KDM4C: variants seen among roughly 807,000 people sequenced by gnomAD.
KDM4C encodes lysine demethylase 4C, also known as lysine-specific demethylase 4C.
Under a neutral mutation model 129.3 loss-of-function variants are expected in KDM4C, and 81 were observed. That is an observed-to-expected ratio of 0.63 (90% confidence interval 0.52 to 0.75). KDM4C has a LOEUF of 0.75. Ranked by LOEUF, KDM4C falls within the 30% of genes least tolerant of loss-of-function variation. The pLI, the probability that KDM4C is intolerant of heterozygous loss-of-function variation, is 0.00. For synonymous variants in KDM4C, 573 were observed against 456.1 expected, an observed-to-expected ratio of 1.26 and a Z score of -3.26; for missense variants, 1,457 against 1,304.0, an observed-to-expected ratio of 1.12 and a Z score of -1.81.
intron 18 of KDM4C, among the ~76,000 whole-genome samples, chr9:7,109,917 C>G (rs1838129260): frequency 6.6e-6 from 1 of 152,168 alleles, no homozygotes; most frequent in African/African-American, 2.4e-5. Context: ...GTTTGTCTCA[C>G]AAGATCTGAT....
intron 8 of KDM4C, among the ~76,000 whole-genome samples, chr9:6,936,305 A>G (rs7876040): frequency 0.31 from 46,626 of 152,142 alleles, 7,417 homozygotes; most frequent in Middle Eastern, 0.43. Flanking sequence ...CTGCATGTCT[A>G]TTTTTAAAAA....
chr9:6,744,391 GGC>G (rs1817808430), intron 1 of KDM4C, among the ~76,000 whole-genome samples: 1 of 152,092 alleles, frequency 6.6e-6, no homozygotes, highest in South Asian at 2.1e-4. Flanking sequence ...TGGGCATGGT[GGC>G]GTGCGCCTGT....
chr9:7,161,024 A>T (rs1015284602), intron 19 of KDM4C, among the ~76,000 whole-genome samples: 3 of 152,256 alleles, frequency 2.0e-5, no homozygotes, highest in Non-Finnish European at 4.4e-5. Flanking sequence ...TACCTACTCA[A>T]GCCTCAGCAA....
At chr9:6,794,530 ATT>A (rs1210726726) in intron 2 of KDM4C, among the ~76,000 whole-genome samples, 2 of 152,134 alleles carry the variant, frequency 1.3e-5, no homozygotes, top group Non-Finnish European at 2.9e-5. Flanking sequence ...TTGGGACATT[ATT>A]TTGAAAAGAT....
intron 19 of KDM4C, among the ~76,000 whole-genome samples, chr9:7,142,399 C>T (rs1166403187): frequency 6.6e-6 from 1 of 152,170 alleles, no homozygotes; most frequent in Admixed American, 6.5e-5. Flanking sequence ...CAGGTGTGAG[C>T]CACCACAACC....
At chr9:7,159,313 G>T (rs895279840) in intron 19 of KDM4C, among the ~76,000 whole-genome samples, 1 of 151,964 alleles carries the variant, frequency 6.6e-6, no homozygotes, top group Non-Finnish European at 1.5e-5. Context: ...TTTCAATTGG[G>T]GCATTTAGCC....
chr9:6,842,788 C>T (rs2129899161), intron 4 of KDM4C, among the ~76,000 whole-genome samples: 1 of 152,120 alleles, frequency 6.6e-6, no homozygotes, highest in East Asian at 1.9e-4. Flanking sequence ...ACACATCACC[C>T]CCAATACCCA....
intron 8 of KDM4C, among the ~76,000 whole-genome samples, chr9:6,955,877 A>G (rs1237532999): frequency 1.3e-5 from 2 of 152,226 alleles, no homozygotes; most frequent in Non-Finnish European, 2.9e-5. Flanking sequence ...AATTGTTCTC[A>G]ATCTTTATAA....
intron 12 of KDM4C, among the ~76,000 whole-genome samples, chr9:7,007,619 C>G (rs945213672): frequency 6.6e-6 from 1 of 152,150 alleles, no homozygotes; most frequent in African/African-American, 2.4e-5. Flanking sequence ...CTCTTTGATA[C>G]TAACACTTTT....
chr9:6,983,167 A>G (rs1263261869), intron 9 of KDM4C, among the ~76,000 whole-genome samples: 2 of 152,306 alleles, frequency 1.3e-5, no homozygotes, highest in South Asian at 2.1e-4. Flanking sequence ...GCTAATTTAT[A>G]TAGGTTATCG....
At chr9:7,141,998 G>A (rs1169347835) in intron 19 of KDM4C, among the ~76,000 whole-genome samples, 1 of 152,080 alleles carries the variant, frequency 6.6e-6, no homozygotes, top group Non-Finnish European at 1.5e-5. Flanking sequence ...TTTTGCCCAA[G>A]AAATTCTTCA....
intron 1 of KDM4C, among the ~76,000 whole-genome samples, chr9:6,781,172 G>C (rs1824261961): frequency 6.6e-6 from 1 of 152,106 alleles, no homozygotes; most frequent in Non-Finnish European, 1.5e-5. Flanking sequence ...AGCTTCTTTG[G>C]GGCAGGGGAT....
intron 1 of KDM4C, among the ~76,000 whole-genome samples, chr9:6,780,363 A>G (rs1465148972): frequency 6.6e-6 from 1 of 151,188 alleles, no homozygotes; most frequent in African/African-American, 2.4e-5. Flanking sequence ...TATAACAGTA[A>G]AAAGTTAAGA....
chr9:6,798,490 C>T (rs576249967), intron 2 of KDM4C, among the ~76,000 whole-genome samples: 1 of 152,176 alleles, frequency 6.6e-6, no homozygotes, highest in Non-Finnish European at 1.5e-5. Flanking sequence ...GCACATCTTG[C>T]ACCGCCCTTA....
At chr9:6,951,655 C>G (rs1828164961) in intron 8 of KDM4C, among the ~76,000 whole-genome samples, 2 of 152,132 alleles carry the variant, frequency 1.3e-5, no homozygotes, top group Non-Finnish European at 2.9e-5. Context: ...GACAATTACC[C>G]ATGGTATACA....
intron 19 of KDM4C, among the ~76,000 whole-genome samples, chr9:7,146,413 C>T (rs550222167): frequency 6.6e-6 from 1 of 152,286 alleles, no homozygotes; most frequent in East Asian, 1.9e-4. Context: ...TTTTCCTTAT[C>T]TAGATCTTTA....
chr9:6,849,733 G>C (rs1838489072), intron 5 of KDM4C, 33 bp downstream of exon 5: 3 of 1,495,822 alleles, frequency 2.0e-6, no homozygotes, highest in South Asian at 2.8e-5. Flanking sequence ...ATTTACTTTG[G>C]AGTTTTGAAA....
At chr9:6,962,292 C>T (rs1051768748) in intron 8 of KDM4C, among the ~76,000 whole-genome samples, 1 of 152,072 alleles carries the variant, frequency 6.6e-6, no homozygotes, top group Non-Finnish European at 1.5e-5. Context: ...AGCAGTAATT[C>T]AAGAAAAAAT....
chr9:7,106,226 C>T (rs556821194), intron 18 of KDM4C, among the ~76,000 whole-genome samples: 1 of 152,276 alleles, frequency 6.6e-6, no homozygotes, highest in Non-Finnish European at 1.5e-5. Flanking sequence ...GCCCCTATTG[C>T]TTTAAATGTT....
Sources: gnomAD v4.1 joint callset for allele counts (sites outside exome capture counted in the v4.1 genomes callset) on GRCh38, gnomAD v4.1.1 for gene constraint, MANE v1.5 for transcripts, NCBI Gene and HGNC (gene_info 2026-07-23, HGNC 2026-07-21) for gene names.